ROBO2: variants seen among roughly 807,000 people sequenced by gnomAD.
ROBO2 encodes the protein roundabout guidance receptor 2, also known as roundabout homolog 2.
ROBO2 carries 53 observed loss-of-function variants against 160.8 expected under a neutral mutation model. The observed-to-expected ratio is 0.33, with a 90% CI of 0.26 to 0.41. ROBO2 has a LOEUF of 0.41. Ranked by LOEUF, ROBO2 falls within the 10% of genes least tolerant of loss-of-function variation. The pLI, the probability that ROBO2 is intolerant of heterozygous loss-of-function variation, is 1.00. For missense variants in ROBO2, 1,577 were observed against 1,722.4 expected (o/e 0.92, Z 1.49); for synonymous variants, 664 against 611.7 (o/e 1.09, Z -1.26).
chr3:76,382,331 G>A (rs983878652), intron 2 of ROBO2, among the ~76,000 whole-genome samples: 1 of 151,790 alleles, frequency 6.6e-6, no homozygotes, highest in Non-Finnish European at 1.5e-5. Context: ...ACTCACGCCT[G>A]TAATCCCAGC....
At chr3:76,529,560 G>A (rs1560099089) in intron 2 of ROBO2, among the ~76,000 whole-genome samples, 2 of 152,088 alleles carry the variant, frequency 1.3e-5, no homozygotes, top group Admixed American at 6.6e-5. Flanking sequence ...GATTCCTTTT[G>A]TTTCCAAAAT....
Position 76,757,330 on chromosome 3 carries a change from GT to G in ROBO2, c.110-340682del, listed in dbSNP as rs199704349. On this transcript the variant is annotated intron_variant, in intron 2 of 26. Coordinates refer to the ROBO2 transcript ENST00000487694. ...ATACCCAGAGATACTGAACTTTTAGGTTGTACATCCAAAATAAAGAGAGGAA... is the reference window on the plus strand; with the variant it reads ...ATACCCAGAGATACTGAACTTTTAGGTGTACATCCAAAATAAAGAGAGGAA... 3.8e-3 allele frequency among the ~76,000 whole-genome samples: 584 copies of G among 151,856 alleles called. 12 individuals carry two copies. The highest frequency in any genetic ancestry group is 0.033 in the Admixed American group (502 of 15,208).
intron 2 of ROBO2, among the ~76,000 whole-genome samples, chr3:76,158,151 G>A (rs2072482255): frequency 6.6e-6 from 1 of 152,198 alleles, no homozygotes; most frequent in South Asian, 2.1e-4. Context: ...TACAGCAGAA[G>A]TATTCCCAGA....
chr3:76,887,840 G>T (rs573187152), intron 2 of ROBO2, among the ~76,000 whole-genome samples: 2 of 152,126 alleles, frequency 1.3e-5, no homozygotes, highest in Admixed American at 6.5e-5. Flanking sequence ...GTACTCATAA[G>T]GTTGTATCCA....
intron 2 of ROBO2, among the ~76,000 whole-genome samples, chr3:77,368,163 A>G (rs187161630): frequency 9.9e-5 from 15 of 152,254 alleles, no homozygotes; most frequent in Admixed American, 3.3e-4. Flanking sequence ...AATTCTCTCC[A>G]GCACCTTGAT....
intron 2 of ROBO2, among the ~76,000 whole-genome samples, chr3:76,925,195 A>C (rs963123059): frequency 3.9e-4 from 54 of 139,352 alleles, no homozygotes; most frequent in Non-Finnish European, 7.3e-4. Flanking sequence ...TGGGCGACAG[A>C]GCGAGACTCC....
At chr3:77,545,897 T>C (rs1386740631) in intron 6 of ROBO2, among the ~76,000 whole-genome samples, 4 of 152,098 alleles carry the variant, frequency 2.6e-5, no homozygotes, top group East Asian at 1.9e-4. Flanking sequence ...CCCTGTGCCT[T>C]ATATAATTCT....
chr3:76,822,072 A>T (rs557936321), intron 2 of ROBO2, among the ~76,000 whole-genome samples: 3 of 152,144 alleles, frequency 2.0e-5, no homozygotes, highest in South Asian at 4.1e-4. Context: ...CCAAAAAAAA[A>T]TTTTCCAGAC....
intron 19 of ROBO2, among the ~76,000 whole-genome samples, chr3:77,597,296 A>AAAAT (rs754183877): frequency 0.064 from 7,781 of 121,352 alleles, 290 homozygotes; most frequent in African/African-American, 0.13. Flanking sequence ...CTGTTATCCA[A>AAAAT]AAATAAATAA....
chr3:77,098,038 T>C, exon 2 of ROBO2: 1 of 1,579,310 alleles, frequency 6.3e-7, no homozygotes. Context: ...CAGGAGGACT[T>C]TCCCCCGCGG....
chr3:77,113,602 G>C (rs1477432172), intron 2 of ROBO2, among the ~76,000 whole-genome samples: 3 of 152,196 alleles, frequency 2.0e-5, no homozygotes, highest in Non-Finnish European at 4.4e-5. Context: ...CTTTGTATCA[G>C]ATGACATGCA....
intron 2 of ROBO2, among the ~76,000 whole-genome samples, chr3:76,397,740 G>C (rs1481728466): frequency 1.6e-4 from 24 of 152,222 alleles, no homozygotes; most frequent in African/African-American, 5.5e-4. Context: ...ACCATCACTG[G>C]CCATCAGAGA....
intron 2 of ROBO2, among the ~76,000 whole-genome samples, chr3:77,216,836 A>AT (rs565152536): frequency 5.3e-5 from 8 of 152,136 alleles, no homozygotes; most frequent in South Asian, 2.1e-4. Context: ...AGAATGCCAT[A>AT]TTTTTTTCAA....
At chr3:76,130,399 T>TA (rs1466973003) in intron 2 of ROBO2, among the ~76,000 whole-genome samples, 2 of 152,082 alleles carry the variant, frequency 1.3e-5, no homozygotes, top group African/African-American at 4.8e-5. Flanking sequence ...TATTTCTCCA[T>TA]AAAAAACACT....
chr3:77,148,192 A>G (rs1218730001), intron 2 of ROBO2, among the ~76,000 whole-genome samples: 2 of 152,218 alleles, frequency 1.3e-5, no homozygotes, highest in African/African-American at 2.4e-5. Flanking sequence ...TCCTCCTTCA[A>G]TGCCTTCACC....
chr3:77,154,432 AC>A (rs1319900125), intron 2 of ROBO2, among the ~76,000 whole-genome samples: 1 of 152,090 alleles, frequency 6.6e-6, no homozygotes, highest in African/African-American at 2.4e-5. Flanking sequence ...AAATTAGTTC[AC>A]CACTATGGAA....
intron 13 of ROBO2, among the ~76,000 whole-genome samples, chr3:77,570,671 G>T (rs2093615947): frequency 6.6e-6 from 1 of 151,982 alleles, no homozygotes; most frequent in Admixed American, 6.6e-5. Flanking sequence ...ACTGGGGTGT[G>T]TCCAGTGGTC....
chr3:76,143,025 T>C (rs1188784119), intron 2 of ROBO2, among the ~76,000 whole-genome samples: 1 of 151,590 alleles, frequency 6.6e-6, no homozygotes, highest in Non-Finnish European at 1.5e-5. Context: ...GATGGGAGTT[T>C]ATGTATGTAG....
intron 21 of ROBO2, among the ~76,000 whole-genome samples, chr3:77,611,810 A>C (rs2094648954): frequency 6.6e-6 from 1 of 152,208 alleles, no homozygotes; most frequent in Admixed American, 6.5e-5. Flanking sequence ...TTCTCCTATC[A>C]TTATTCTTCT....
Sources: gnomAD v4.1 joint callset for allele counts (sites outside exome capture counted in the v4.1 genomes callset) on GRCh38, gnomAD v4.1.1 for gene constraint, MANE v1.5 for transcripts, NCBI Gene and HGNC (gene_info 2026-07-23, HGNC 2026-07-21) for gene names.